The following QTMAN variants were observed in gnomAD, a reference collection of about 807,000 sequenced individuals.
The protein encoded by QTMAN is tRNA-queuosine alpha-mannosyltransferase.
the QTMAN span, among the ~76,000 whole-genome samples, chr2:144,098,049 C>T: frequency 6.6e-6 from 1 of 152,212 alleles, no homozygotes; most frequent in African/African-American, 2.4e-5. Context: ...AAGGCTGAGG[C>T]TCTAGTAGCA....
At chr2:144,030,292 T>C in the QTMAN span, among the ~76,000 whole-genome samples, 16 of 152,302 alleles carry the variant, frequency 1.1e-4, no homozygotes, top group East Asian at 2.7e-3. Context: ...AGTATTAATA[T>C]AGTGCTTAAT....
the QTMAN span, among the ~76,000 whole-genome samples, chr2:144,287,115 A>G: frequency 6.6e-6 from 1 of 152,204 alleles, no homozygotes; most frequent in Non-Finnish European, 1.5e-5. Flanking sequence ...ATTAAAAGTT[A>G]GCCAAGGTTG....
At chr2:143,982,584 A>G in the QTMAN span, among the ~76,000 whole-genome samples, 13,197 of 150,464 alleles carry the variant, frequency 0.088, 1,119 homozygotes, top group African/African-American at 0.21. Context: ...GCAGAGGCTG[A>G]GTGCGGTGGC....
chr2:144,107,741 C>G, the QTMAN span, among the ~76,000 whole-genome samples: 1 of 152,280 alleles, frequency 6.6e-6, no homozygotes, highest in Middle Eastern at 3.4e-3. Flanking sequence ...GTATTCCTCC[C>G]TAACTCATTT....
At chr2:144,125,849 T>C in the QTMAN span, among the ~76,000 whole-genome samples, 1 of 152,010 alleles carries the variant, frequency 6.6e-6, no homozygotes, top group Non-Finnish European at 1.5e-5. Context: ...AAAGGAATAG[T>C]AGGAAGAACA....
At chr2:144,052,101 TG>T in the QTMAN span, among the ~76,000 whole-genome samples, 204 of 152,312 alleles carry the variant, frequency 1.3e-3, no homozygotes, top group African/African-American at 4.8e-3. Flanking sequence ...AACCGAACAG[TG>T]CCAGCACATT....
the QTMAN span, among the ~76,000 whole-genome samples, chr2:144,180,373 TA>T: frequency 3.3e-5 from 5 of 152,194 alleles, no homozygotes; most frequent in African/African-American, 1.2e-4. Flanking sequence ...AATGTTTCAT[TA>T]ATGTAAGTCA....
At chr2:144,178,646 G>C in the QTMAN span, 1 of 156,908 alleles carries the variant, frequency 6.4e-6, no homozygotes, top group African/African-American at 2.4e-5. Context: ...CTTGTATCCT[G>C]CTGGTCTCCA....
chr2:144,314,550 A>T, the QTMAN span, among the ~76,000 whole-genome samples: 1 of 152,058 alleles, frequency 6.6e-6, no homozygotes, highest in Non-Finnish European at 1.5e-5. Flanking sequence ...GTCTCTACTA[A>T]AAAATACAAA....
chr2:144,128,756 C>T, the QTMAN span, among the ~76,000 whole-genome samples: 5 of 151,958 alleles, frequency 3.3e-5, no homozygotes, highest in African/African-American at 4.8e-5. Flanking sequence ...CCTTCCAGTT[C>T]TGAAAAGTTC....
chr2:144,312,183 T>TC, the QTMAN span, among the ~76,000 whole-genome samples: 1 of 139,452 alleles, frequency 7.2e-6, no homozygotes, highest in South Asian at 2.2e-4. Flanking sequence ...GTTACATTCT[T>TC]TTTTTTTTTT....
chr2:144,305,600 T>C, the QTMAN span, among the ~76,000 whole-genome samples: 1 of 152,186 alleles, frequency 6.6e-6, no homozygotes, highest in African/African-American at 2.4e-5. Flanking sequence ...TGAATTTCCA[T>C]GTAACTTTTA....
At chr2:144,214,994 G>C in the QTMAN span, among the ~76,000 whole-genome samples, 1 of 152,060 alleles carries the variant, frequency 6.6e-6, no homozygotes, top group African/African-American at 2.4e-5. Context: ...TGTAATCCTA[G>C]CACTTTGGGA....
At chr2:144,099,400 AAAC>A in the QTMAN span, among the ~76,000 whole-genome samples, 1 of 152,348 alleles carries the variant, frequency 6.6e-6, no homozygotes, top group Non-Finnish European at 1.5e-5. Context: ...GAGAGTTGGA[AAAC>A]AACAGGGATA....
the QTMAN span, among the ~76,000 whole-genome samples, chr2:144,216,937 G>C: frequency 1.5e-4 from 23 of 152,218 alleles, no homozygotes; most frequent in African/African-American, 4.6e-4. Context: ...TCCACATTTA[G>C]TAATTAGGCT....
chr2:144,322,746 C>G, the QTMAN span, among the ~76,000 whole-genome samples: 12 of 152,300 alleles, frequency 7.9e-5, no homozygotes, highest in Non-Finnish European at 1.2e-4. Context: ...AATATGGAAT[C>G]TCATATATAT....
the QTMAN span, among the ~76,000 whole-genome samples, chr2:144,107,354 T>C: frequency 0.061 from 9,265 of 152,116 alleles, 943 homozygotes; most frequent in African/African-American, 0.21. Flanking sequence ...ATTGATATAC[T>C]GCTAGCAAGA....
the QTMAN span, among the ~76,000 whole-genome samples, chr2:144,086,518 CT>C: frequency 6.6e-6 from 1 of 151,964 alleles, no homozygotes. Context: ...AGGTAAGGAC[CT>C]TGATTCAGTG....
chr2:144,083,584 T>G, the QTMAN span, among the ~76,000 whole-genome samples: 15,846 of 152,188 alleles, frequency 0.1, 1,270 homozygotes, highest in East Asian at 0.26. Context: ...ACTGAAGAAA[T>G]ATTACTGGAG....
Sources: gnomAD v4.1 joint callset for allele counts (sites outside exome capture counted in the v4.1 genomes callset) on GRCh38, gnomAD v4.1.1 for gene constraint, MANE v1.5 for transcripts, NCBI Gene and HGNC (gene_info 2026-07-23, HGNC 2026-07-21) for gene names.